Variants in SAXO1 observed in about 807,000 individuals in gnomAD.
The protein encoded by SAXO1 is stabilizer of axonemal microtubules 1.
Under a neutral mutation model 17.5 loss-of-function variants are expected in SAXO1, and 21 were observed. That is an observed-to-expected ratio of 1.20 (90% CI 0.85 to 1.72). The LOEUF (loss-of-function observed/expected upper bound fraction) is 1.72, where lower values mean the gene tolerates loss of function less well. SAXO1 is among the 40% of genes most tolerant of loss of function. The pLI is 0.00. For missense variants in SAXO1, 843 were observed against 596.0 expected (o/e 1.41, Z -4.32); for synonymous variants, 274 against 216.5 (o/e 1.27, Z -2.33).
At chr9:19,028,855 T>C (rs752982015) in intron 1 of SAXO1, among the ~76,000 whole-genome samples, 6 of 152,194 alleles carry the variant, frequency 3.9e-5, no homozygotes, top group Non-Finnish European at 7.3e-5. Flanking sequence ...TAATCTGCCA[T>C]CTACTCTGAA....
chr9:18,988,204 T>C (rs1464130977), intron 1 of SAXO1, among the ~76,000 whole-genome samples: 1 of 152,224 alleles, frequency 6.6e-6, no homozygotes, highest in African/African-American at 2.4e-5. Flanking sequence ...AAAGTGAGTA[T>C]CAGCAATAAA....
chr9:18,995,286 A>G (rs935387515), intron 1 of SAXO1, among the ~76,000 whole-genome samples: 1 of 152,166 alleles, frequency 6.6e-6, no homozygotes, highest in Non-Finnish European at 1.5e-5. Flanking sequence ...ATCAGTATCT[A>G]TCTCTCTCTC....
At chr9:19,014,916 T>C (rs548714688) in intron 1 of SAXO1, among the ~76,000 whole-genome samples, 2 of 152,228 alleles carry the variant, frequency 1.3e-5, no homozygotes, top group South Asian at 2.1e-4. Context: ...ACCTCAGAGA[T>C]CGTGAAAACA....
At chr9:18,959,192 T>C (rs73429216) in intron 1 of SAXO1, among the ~76,000 whole-genome samples, 5,316 of 152,176 alleles carry the variant, frequency 0.035, 308 homozygotes, top group African/African-American at 0.12. Flanking sequence ...ACCCAGGAGG[T>C]ACTTAAGAAA....
chr9:19,017,947 C>G (rs1835057473), intron 1 of SAXO1, among the ~76,000 whole-genome samples: 3 of 152,180 alleles, frequency 2.0e-5, no homozygotes, highest in Admixed American at 2.0e-4. Context: ...GCAGGAAGAT[C>G]ACTTGAGCCT....
intron 1 of SAXO1, among the ~76,000 whole-genome samples, chr9:18,975,690 G>A (rs138217165): frequency 6.6e-6 from 1 of 152,332 alleles, no homozygotes; most frequent in Admixed American, 6.5e-5. Flanking sequence ...CATACACTAT[G>A]TAAATGAGAC....
Position 18,928,519 on chromosome 9 carries a change from G to C in SAXO1, c.958C>G (p.Gln320Glu), listed in dbSNP as rs1310209636. ...HYTCPKGAPA[Q>E]SCRPALQIKK... ...ATCTGAAGTGCAGGTCGGCAGGACT[G>C]AGCTGGGGCACCCTTAGGGCATGTG... is the stretch of plus-strand genomic sequence containing the variant. Residue 320 changes from glutamine to glutamate, a missense_variant, in exon 4 of 4, where the codon CAG becomes GAG. Physicochemically the swap from Gln to Glu is conservative, Grantham distance 29. Coordinates refer to ENST00000380534, the MANE Select transcript of SAXO1 (RefSeq NM_153707.4). 2 of 1,614,020 alleles carry C rather than the reference G, an allele frequency of 1.2e-6. No homozygotes were observed. The highest frequency in any genetic ancestry group is 3.3e-5 in the Admixed American group (2 of 60,014).
chr9:18,992,912 T>C (rs938228336), intron 1 of SAXO1, among the ~76,000 whole-genome samples: 5 of 152,096 alleles, frequency 3.3e-5, no homozygotes, highest in African/African-American at 1.2e-4. Flanking sequence ...GTGATTCTCC[T>C]GCCTCAGCCT....
chr9:18,956,115 T>C lies in SAXO1; in HGVS notation c.39-5178A>G, dbSNP rs1286911069. The stretch of plus-strand genomic sequence containing the variant: ...ACCACTGCACAACCTGGCTAATTTT[T>C]TTTTTTTTTTTTTTTTGTAGAAATG... On this transcript the variant is annotated intron_variant, in intron 1 of 3. Coordinates refer to ENST00000380534, the MANE Select transcript of SAXO1 (RefSeq NM_153707.4). Among the ~76,000 whole-genome samples the C allele has an allele frequency of 5.8e-4, 87 of 149,686 alleles. 2 individuals carry two copies. The highest frequency in any genetic ancestry group is 2.0e-3 in the African/African-American group (82 of 40,798).
At chr9:18,968,386 A>G (rs1168388815) in intron 1 of SAXO1, among the ~76,000 whole-genome samples, 2 of 152,216 alleles carry the variant, frequency 1.3e-5, no homozygotes, top group Non-Finnish European at 2.9e-5. Flanking sequence ...TGGGATGAAT[A>G]GATGGAGAGA....
chr9:19,026,457 T>C (rs1031251949), intron 1 of SAXO1, among the ~76,000 whole-genome samples: 2 of 152,214 alleles, frequency 1.3e-5, no homozygotes, highest in African/African-American at 4.8e-5. Flanking sequence ...CTAAGATCCC[T>C]TTCAGCTTTA....
chr9:18,978,564 A>T (rs1833245718), intron 1 of SAXO1, among the ~76,000 whole-genome samples: 1 of 152,202 alleles, frequency 6.6e-6, no homozygotes, highest in African/African-American at 2.4e-5. Context: ...GAGCTTTTGA[A>T]ATAAAGTTGG....
chr9:19,031,800 TC>T (rs1212816952), intron 1 of SAXO1, among the ~76,000 whole-genome samples: 1 of 152,178 alleles, frequency 6.6e-6, no homozygotes, highest in African/African-American at 2.4e-5. Flanking sequence ...GTTTTCAAAC[TC>T]CCTGTGTGAT....
At chr9:18,983,438 T>C (rs1428351767) in intron 1 of SAXO1, among the ~76,000 whole-genome samples, 3 of 152,138 alleles carry the variant, frequency 2.0e-5, no homozygotes, top group Admixed American at 6.5e-5. Context: ...TAATTCAAGA[T>C]GAGATTTAGG....
At chr9:19,005,901 A>G (rs1834464430) in intron 1 of SAXO1, among the ~76,000 whole-genome samples, 1 of 152,220 alleles carries the variant, frequency 6.6e-6, no homozygotes, top group South Asian at 2.1e-4. Context: ...GAATTCCTAC[A>G]ACCCATGAAA....
chr9:18,986,304 T>A (rs1563962950), intron 1 of SAXO1, among the ~76,000 whole-genome samples: 1 of 152,232 alleles, frequency 6.6e-6, no homozygotes, highest in Non-Finnish European at 1.5e-5. Flanking sequence ...CCTAATAATG[T>A]CAAAATGTTT....
chr9:18,938,826 G>GTGTGTGTGTGTA (rs1563929693), intron 3 of SAXO1, among the ~76,000 whole-genome samples: 6 of 80,580 alleles, frequency 7.4e-5, no homozygotes, highest in African/African-American at 1.6e-4. Flanking sequence ...GCGTGCGTGT[G>GTGTGTGTGTGTA]TGTGTGTGTG....
At chr9:19,027,426 C>G in intron 1 of SAXO1, 3 of 756,140 alleles carry the variant, frequency 4.0e-6, no homozygotes, top group African/African-American at 1.7e-5. Context: ...ACAAGCAGAT[C>G]CAGGAACTGG....
At chr9:19,008,125 C>G (rs1000963073) in intron 1 of SAXO1, among the ~76,000 whole-genome samples, 2 of 152,026 alleles carry the variant, frequency 1.3e-5, no homozygotes, top group African/African-American at 4.8e-5. Context: ...CAGGTGCATG[C>G]CATCACACCT....
Sources: gnomAD v4.1 joint callset for allele counts (sites outside exome capture counted in the v4.1 genomes callset) on GRCh38, gnomAD v4.1.1 for gene constraint, MANE v1.5 for transcripts, NCBI Gene and HGNC (gene_info 2026-07-23, HGNC 2026-07-21) for gene names.